The following TMC2 variants were observed in gnomAD, a reference collection of about 807,000 sequenced individuals.
TMC2 encodes transmembrane channel-like protein 2.
A neutral mutation model predicts 105.9 loss-of-function variants in TMC2; 102 were observed. That is an observed-to-expected ratio of 0.96 (90% CI 0.82 to 1.14). The LOEUF (loss-of-function observed/expected upper bound fraction) is 1.14. Among genes scored for constraint, TMC2 ranks in the 50% most tolerant of loss-of-function variants. The pLI is 0.00. For synonymous variants in TMC2, 402 were observed against 422.8 expected (o/e 0.95, Z 0.60); for missense variants, 1,093 against 1,134.3 (o/e 0.96, Z 0.52).
chr20:2,610,489 A>G lies in TMC2; in HGVS notation c.1484A>G (p.Asn495Ser). The change falls in exon 12 of 20, where the codon AAT (asparagine) becomes AGT (serine). Residue 495 changes from asparagine (N) to serine (S), a missense_variant. Transcript: ENST00000358864. ...TTTGAAACCATCGCTGCCCTGGAGAATTACCACCCACGCACTGGACTGAAG... is the reference window on the plus strand; with the variant it reads ...TTTGAAACCATCGCTGCCCTGGAGAGTTACCACCCACGCACTGGACTGAAG... The part of the protein sequence containing the change: ...PLFETIAALE[N>S]YHPRTGLKWQ... 1 of 1,613,776 alleles carries G rather than the reference A, an allele frequency of 6.2e-7. No individual in the cohort carries two copies. Among genetic ancestry groups the G allele is most frequent in the African/African-American group, 1.3e-5 (1 of 74,966 alleles).
intron 13 of TMC2, 143 bp downstream of exon 13, chr20:2,612,483 TA>T: frequency 3.7e-6 from 3 of 811,222 alleles, no homozygotes; most frequent in Non-Finnish European, 5.2e-6. Flanking sequence ...TAGGAGGAAA[TA>T]AAATGACCAA....
chr20:2,614,346 C>G lies in TMC2; in HGVS notation c.1872+1024C>G, dbSNP rs552166238. On this transcript the variant is annotated intron_variant, in intron 14 of 19. Transcript: ENST00000358864. ...TAAGGCCAGGTATGGTGGCTCACAC[C>G]TGTAATCCTAGCACTTTGGGAGGCC... Among the ~76,000 whole-genome samples the G allele has an allele frequency of 6.6e-5, 10 of 152,216 alleles. No individual in the cohort carries two copies. In the South Asian group the frequency reaches 1.9e-3, roughly 28 times the overall value.
In TMC2 at chr20:2,537,270, A is replaced by G; in HGVS notation, c.36A>G (p.Ala12=). The change falls in exon 2 of 20, where the codon GCA becomes GCG. Residue 12 remains alanine (A), a splice_region_variant and synonymous_variant. Coordinates refer to ENST00000358864, the MANE Select transcript of TMC2 (RefSeq NM_080751.3). ...TGTCAGCAATCCTGTCTCTTACAGC[A>G]CGAGGCGGAGTGAAAGGGCGGGTGA... The part of the protein sequence containing the change: ...SHQVKGLKEE[A]RGGVKGRVKS... The G allele has an allele frequency of 1.2e-6, 2 of 1,602,638 alleles. No homozygotes were observed. The highest frequency in any genetic ancestry group is 1.7e-6 in the Non-Finnish European group (2 of 1,174,730).
intron 2 of TMC2, 120 bp downstream of exon 2, chr20:2,537,436 C>A: frequency 2.3e-6 from 2 of 858,072 alleles, no homozygotes; most frequent in Non-Finnish European, 1.9e-6. Context: ...CATTCAACAC[C>A]CTGCATGGAG....
rs2086639863 is a variant in TMC2, at chr20:2,635,977, T to A, written c.2358T>A (p.Asn786Lys). The change falls in exon 18 of 20, where the codon AAT becomes AAA. Residue 786 changes from asparagine to lysine, a missense_variant. Asn to Lys is a moderately conservative substitution (Grantham distance 94). Coordinates refer to ENST00000358864, the MANE Select transcript of TMC2 (RefSeq NM_080751.3). ...NSVSKSLSRA[N>K]AQLRKKIQVL... ...TTTCCAAAAGCCTTTCCCGAGCTAA[T>A]GCCCAGCTGAGGAAGAAAATCCAAG... 4 of 1,614,150 alleles carry A rather than the reference T, an allele frequency of 2.5e-6. No homozygotes were observed. The highest frequency in any genetic ancestry group is 3.4e-6 in the Non-Finnish European group (4 of 1,179,974).
chr20:2,540,134 G>C (rs1021472199), intron 2 of TMC2, among the ~76,000 whole-genome samples: 2 of 151,540 alleles, frequency 1.3e-5, no homozygotes, highest in African/African-American at 4.8e-5. Context: ...GGGATTACAG[G>C]TGCCTGCCAC....
chr20:2,585,584 C>T (rs961317696), intron 7 of TMC2, among the ~76,000 whole-genome samples: 1 of 152,142 alleles, frequency 6.6e-6, no homozygotes, highest in East Asian at 1.9e-4. Context: ...GAAGAAGATC[C>T]GCTTCCAAGC....
At chr20:2,584,279 C>T (rs957687465) in intron 7 of TMC2, among the ~76,000 whole-genome samples, 1 of 150,000 alleles carries the variant, frequency 6.7e-6, no homozygotes, top group Non-Finnish European at 1.5e-5. Context: ...CCCGTCTCTA[C>T]TAAAAATACA....
At chr20:2,624,678 A>G (rs1471697818) in intron 17 of TMC2, among the ~76,000 whole-genome samples, 1 of 152,168 alleles carries the variant, frequency 6.6e-6, no homozygotes, top group East Asian at 1.9e-4. Context: ...TTTATAGACC[A>G]GCTCCCAGCG....
rs1206578237 is a variant in TMC2 at position 2,592,416 on chromosome 20, T to C, written c.933+8T>C. ...GTCCTTTGGGATTTTGAGGTACTAT[T>C]GTCAACATGCCAATGAACTTCCATT... On this transcript the variant is annotated splice_region_variant and intron_variant, in intron 8 of 19. Transcript: ENST00000358864. The surrounding 1 kb of genome is among the most constrained non-coding windows in gnomAD (Gnocchi z 4.9). 3 of 1,576,436 alleles carry C rather than the reference T, an allele frequency of 1.9e-6. No homozygotes were observed. Among genetic ancestry groups the C allele is most frequent in the East Asian group, 2.2e-5 (1 of 44,702 alleles).
At chr20:2,626,944 C>A (rs1471272312) in intron 17 of TMC2, among the ~76,000 whole-genome samples, 1 of 152,198 alleles carries the variant, frequency 6.6e-6, no homozygotes, top group Non-Finnish European at 1.5e-5. Flanking sequence ...GCTTCTACAG[C>A]CCTTCGTATT....
chr20:2,625,549 G>A (rs188498788), intron 17 of TMC2, among the ~76,000 whole-genome samples: 6 of 152,322 alleles, frequency 3.9e-5, no homozygotes, highest in Non-Finnish European at 7.3e-5. Context: ...ACAACATTAT[G>A]TTGGGGGATT....
chr20:2,542,859 T>C (rs1428132182), intron 2 of TMC2, among the ~76,000 whole-genome samples: 1 of 151,814 alleles, frequency 6.6e-6, no homozygotes, highest in African/African-American at 2.4e-5. Context: ...GCTTGGCTAA[T>C]TTTTATATTT....
At chr20:2,596,963 G>T (rs935637443) in intron 9 of TMC2, among the ~76,000 whole-genome samples, 188 bp from the exon 10 acceptor site, 4 of 152,084 alleles carry the variant, frequency 2.6e-5, no homozygotes, top group Non-Finnish European at 4.4e-5. Context: ...CTCTGAATTT[G>T]GGGGGAAGGG....
At chr20:2,572,578 G>T (rs1028698650) in intron 5 of TMC2, among the ~76,000 whole-genome samples, 6 of 152,170 alleles carry the variant, frequency 3.9e-5, no homozygotes, top group African/African-American at 9.7e-5. Flanking sequence ...ATCAGGACAG[G>T]TTGAGTTGGT....
intron 9 of TMC2, among the ~76,000 whole-genome samples, chr20:2,595,761 G>C (rs1487289912): frequency 1.3e-5 from 1 of 77,914 alleles, no homozygotes; most frequent in Non-Finnish European, 2.7e-5. Context: ...CAGCCTCCCA[G>C]AAGAGGGTGG....
intron 11 of TMC2, among the ~76,000 whole-genome samples, chr20:2,603,312 TA>T (rs778091585): frequency 6.6e-6 from 1 of 151,066 alleles, no homozygotes; most frequent in South Asian, 2.1e-4. Context: ...AACAGCAATT[TA>T]AAAAAAGAAG....
intron 6 of TMC2, among the ~76,000 whole-genome samples, 199 bp downstream of exon 6, chr20:2,579,426 T>A (rs567668082): frequency 1.1e-4 from 17 of 148,478 alleles, no homozygotes; most frequent in Non-Finnish European, 2.2e-4. Context: ...ATTTATTTAT[T>A]TTTATTTATT....
At chr20:2,613,424 C>T in intron 14 of TMC2, 102 bp downstream of exon 14, 1 of 1,521,408 alleles carries the variant, frequency 6.6e-7, no homozygotes, top group Non-Finnish European at 9.1e-7. Context: ...TCTTTGGAAG[C>T]TTAATGACGG....
Sources: allele counts gnomAD v4.1 joint callset (sites outside exome capture counted in the v4.1 genomes callset), GRCh38; gene constraint gnomAD v4.1.1; non-coding constraint Gnocchi (gnomAD v3.1); transcripts MANE v1.5; gene names NCBI Gene and HGNC (gene_info 2026-07-23, HGNC 2026-07-21).